TECRL: variants seen among roughly 807,000 people sequenced by gnomAD.
The protein encoded by TECRL is trans-2,3-enoyl-CoA reductase-like.
Under a neutral mutation model 52.8 loss-of-function variants are expected in TECRL, and 63 were observed. The observed-to-expected ratio is 1.19, with a 90% CI of 0.97 to 1.47. The LOEUF is 1.47. Among genes scored for constraint, TECRL ranks in the 40% most tolerant of loss-of-function variants. TECRL has a pLI of 0.00. For missense variants in TECRL, 482 were observed against 429.6 expected (o/e 1.12, Z -1.08); for synonymous variants, 164 against 141.9 (o/e 1.16, Z -1.10).
chr4:64,323,002 A>G (rs1412221140), intron 3 of TECRL, among the ~76,000 whole-genome samples: 1 of 152,154 alleles, frequency 6.6e-6, no homozygotes, highest in Non-Finnish European at 1.5e-5. Context: ...TGGTTTCCCA[A>G]TACCATCTAC....
intron 11 of TECRL, among the ~76,000 whole-genome samples, chr4:64,280,416 C>A (rs950320794): frequency 6.6e-6 from 1 of 151,944 alleles, no homozygotes; most frequent in Non-Finnish European, 1.5e-5. Flanking sequence ...AAAAATGAAT[C>A]TACATATTTT....
intron 1 of TECRL, among the ~76,000 whole-genome samples, chr4:64,399,320 CTT>C (rs1279620341): frequency 2.0e-5 from 3 of 151,988 alleles, no homozygotes; most frequent in Non-Finnish European, 4.4e-5. Flanking sequence ...GAAGTTGGAA[CTT>C]ATATTTAAAA....
chr4:64,392,399 C>T (rs1337975874), intron 1 of TECRL, among the ~76,000 whole-genome samples: 1 of 151,890 alleles, frequency 6.6e-6, no homozygotes, highest in Non-Finnish European at 1.5e-5. Context: ...GAGATACACA[C>T]AGCATATCCT....
At chr4:64,406,110 C>T (rs922146386) in intron 1 of TECRL, among the ~76,000 whole-genome samples, 2 of 151,458 alleles carry the variant, frequency 1.3e-5, no homozygotes, top group Admixed American at 1.3e-4. Flanking sequence ...AAACTAGAGA[C>T]GACAGCAGAG....
rs940264665 is a variant in TECRL, at chr4:64,309,729, A to C, written c.657+97T>G. On this transcript the variant is annotated intron_variant, in intron 6 of 11. Coordinates refer to ENST00000381210, the MANE Select transcript of TECRL (RefSeq NM_001010874.5). ...GTATGCTTATGCAATTAAACGTGAAAATCTAAGTTTCGGAAGGAAACAATG... is the reference window on the plus strand; with the variant it reads ...GTATGCTTATGCAATTAAACGTGAACATCTAAGTTTCGGAAGGAAACAATG... 14 of 827,078 alleles carry C rather than the reference A, an allele frequency of 1.7e-5. No individual in the cohort carries two copies. In the African/African-American group the frequency reaches 2.4e-4, roughly 14 times the overall value. The allele number at this position is 827,078 out of a possible 1,614,324, so 51.2% of individuals were successfully genotyped here. A position where few individuals can be genotyped will look rare whatever the true frequency, so the allele number is the denominator to read the frequency against.
rs561979371 is a variant in TECRL, at chr4:64,400,893, G to C, written c.234+8225C>G. 8.5e-5 allele frequency among the ~76,000 whole-genome samples: 13 copies of C among 152,240 alleles called. 1 individual carries two copies. The South Asian group carries it at 2.5e-3, about 29-fold the overall frequency. ...ACATCTTTTCTATATAAATTACCCA[G>C]TCTCAGATATTTCTTCATAGCAATG... is the stretch of plus-strand genomic sequence containing the variant. On this transcript the variant is annotated intron_variant, in intron 1 of 11. Coordinates refer to ENST00000381210, the MANE Select transcript of TECRL (RefSeq NM_001010874.5).
chr4:64,376,881 T>C (rs963020670), intron 1 of TECRL, among the ~76,000 whole-genome samples: 2 of 151,952 alleles, frequency 1.3e-5, no homozygotes, highest in Non-Finnish European at 2.9e-5. Context: ...CCACAGAGCA[T>C]ATAATAAGCT....
At position 64,282,621 on chromosome 4, in the gene TECRL, C is replaced by T. The variant is rs184181077; in HGVS notation, c.833-1062G>A. Among the ~76,000 whole-genome samples the T allele has an allele frequency of 4.4e-4, 67 of 151,928 alleles. 1 individual carries two copies. The highest frequency in any genetic ancestry group is 4.1e-3 in the Admixed American group (63 of 15,206). On this transcript the variant is annotated intron_variant, in intron 9 of 11. Coordinates refer to ENST00000381210, the MANE Select transcript of TECRL (RefSeq NM_001010874.5). Reference sequence around the variant, plus strand: ...AGTTATAGTTACTGAATTTCAGAGGCAGAAGTTTCAGGAAATAGTCTGCTT... The same window carrying T: ...AGTTATAGTTACTGAATTTCAGAGGTAGAAGTTTCAGGAAATAGTCTGCTT...
chr4:64,311,043 G>T (rs1468508356), intron 5 of TECRL, among the ~76,000 whole-genome samples: 1 of 152,082 alleles, frequency 6.6e-6, no homozygotes, highest in Non-Finnish European at 1.5e-5. Context: ...AACCAGTAAA[G>T]GTTGAGCATA....
chr4:64,399,259 C>T (rs1190513090), intron 1 of TECRL, among the ~76,000 whole-genome samples: 1 of 152,162 alleles, frequency 6.6e-6, no homozygotes, highest in Non-Finnish European at 1.5e-5. Context: ...AAGATGCACA[C>T]TGGCTACTTC....
intron 1 of TECRL, among the ~76,000 whole-genome samples, chr4:64,384,720 T>C (rs796079867): frequency 6.6e-6 from 1 of 152,080 alleles, no homozygotes; most frequent in African/African-American, 2.4e-5. Flanking sequence ...ACACAGGTTG[T>C]GGCTGGTTTA....
chr4:64,293,025 A>C (rs186816409), intron 8 of TECRL, among the ~76,000 whole-genome samples: 1 of 152,170 alleles, frequency 6.6e-6, no homozygotes, highest in Non-Finnish European at 1.5e-5. Flanking sequence ...TATATCATAT[A>C]ATCTTTATTG....
At chr4:64,327,946 A>G (rs1350952977) in intron 3 of TECRL, among the ~76,000 whole-genome samples, 1 of 152,010 alleles carries the variant, frequency 6.6e-6, no homozygotes, top group Non-Finnish European at 1.5e-5. Flanking sequence ...TTTCATTAAA[A>G]TTTTAAACTC....
chr4:64,314,696 A>G lies in TECRL; in HGVS notation c.503T>C (p.Ile168Thr). 6.2e-7 allele frequency: 1 copy of G among 1,613,466 alleles called. No individual in the cohort carries two copies. The highest frequency in any genetic ancestry group is 8.5e-7 in the Non-Finnish European group (1 of 1,179,784). The change falls in exon 5 of 12, where the codon ATA becomes ACA. Residue 168 changes from isoleucine to threonine, a missense_variant. Physicochemically the swap from Ile to Thr is moderately conservative, Grantham distance 89. Coordinates refer to ENST00000381210, the MANE Select transcript of TECRL (RefSeq NM_001010874.5). ...TCTAGCACTCTCTTTTCCATCATAT[A>G]TACATGGGATCCTCAAATAAAAGAG... Reference protein sequence around the residue: ...YLLFYLRIPCIYDGKESARRL... With the variant: ...YLLFYLRIPCTYDGKESARRL...
intron 9 of TECRL, among the ~76,000 whole-genome samples, chr4:64,286,277 G>T (rs1723077333): frequency 1.3e-5 from 2 of 151,926 alleles, no homozygotes; most frequent in South Asian, 2.1e-4. Flanking sequence ...TTGTACTCAA[G>T]AAATTGTGGA....
intron 1 of TECRL, among the ~76,000 whole-genome samples, chr4:64,387,097 G>C (rs1586132): frequency 0.61 from 93,168 of 151,990 alleles, 31,472 homozygotes; most frequent in Non-Finnish European, 0.75. Flanking sequence ...ATCCCCACTG[G>C]CAACCACTAA....
intron 2 of TECRL, among the ~76,000 whole-genome samples, chr4:64,350,758 G>A (rs149730237): frequency 0.01 from 1,527 of 151,730 alleles, 14 homozygotes; most frequent in Middle Eastern, 0.034. Flanking sequence ...CAGTCTGCCC[G>A]CCTATCCCAT....
intron 5 of TECRL, among the ~76,000 whole-genome samples, chr4:64,313,628 C>T (rs1311652642): frequency 6.7e-6 from 1 of 150,308 alleles, no homozygotes; most frequent in African/African-American, 2.4e-5. Context: ...ACTACAGGCA[C>T]CCGCCACCAC....
At chr4:64,398,024 A>G (rs965451140) in intron 1 of TECRL, among the ~76,000 whole-genome samples, 2 of 89,614 alleles carry the variant, frequency 2.2e-5, no homozygotes, top group African/African-American at 6.0e-5. Context: ...AAACACATAT[A>G]TTAAAAAGTA....
Sources: gnomAD v4.1 joint callset for allele counts (sites outside exome capture counted in the v4.1 genomes callset) on GRCh38, gnomAD v4.1.1 for gene constraint, MANE v1.5 for transcripts, NCBI Gene and HGNC (gene_info 2026-07-23, HGNC 2026-07-21) for gene names.